ABCC9: variants seen among roughly 807,000 people sequenced by gnomAD.
The protein encoded by ABCC9 is ATP-binding cassette sub-family C member 9.
Under a neutral mutation model 188.3 loss-of-function variants are expected in ABCC9, and 95 were observed. The ratio of observed to expected loss-of-function variants is 0.50; its 90% CI spans 0.43 to 0.60. The LOEUF is 0.60. ABCC9 is among the 20% of genes least tolerant of loss of function. The pLI is 0.00. For missense variants in ABCC9, 1,102 were observed against 1,876.3 expected, an observed-to-expected ratio of 0.59 and a Z score of 7.62; for synonymous variants, 659 against 652.7, an observed-to-expected ratio of 1.01 and a Z score of -0.15.
chr12:21,891,587 G>A (rs1242128196), intron 14 of ABCC9, among the ~76,000 whole-genome samples: 3 of 152,140 alleles, frequency 2.0e-5, no homozygotes, highest in African/African-American at 4.8e-5. Context: ...CTTATTAAAA[G>A]AAAGCATAGA....
At chr12:21,900,497 C>A (rs375652363) in intron 12 of ABCC9, among the ~76,000 whole-genome samples, 1 of 152,006 alleles carries the variant, frequency 6.6e-6, no homozygotes, top group African/African-American at 2.4e-5. Flanking sequence ...AGGCTTCAGA[C>A]GATCAAACTT....
intron 35 of ABCC9, 123 bp downstream of exon 35, chr12:21,814,520 AC>A (rs1942473099): frequency 1.3e-6 from 1 of 797,354 alleles, no homozygotes; most frequent in Admixed American, 2.0e-5. Flanking sequence ...TCTGCCTTGA[AC>A]CATGTGTAGA....
intron 33 of ABCC9, among the ~76,000 whole-genome samples, chr12:21,816,559 GA>G (rs1942660766): frequency 1.3e-5 from 2 of 152,116 alleles, no homozygotes; most frequent in African/African-American, 4.8e-5. Flanking sequence ...GGAGAATAAA[GA>G]GGAAAAGAAA....
intron 16 of ABCC9, among the ~76,000 whole-genome samples, chr12:21,881,151 G>T (rs1346753623): frequency 6.6e-6 from 1 of 151,968 alleles, no homozygotes; most frequent in South Asian, 2.1e-4. Context: ...ATTGCCACAG[G>T]GTGGCAATTA....
At chr12:21,915,081 A>G (rs1948479312) in intron 7 of ABCC9, among the ~76,000 whole-genome samples, 2 of 151,346 alleles carry the variant, frequency 1.3e-5, no homozygotes. Context: ...TTGTATTTTT[A>G]GTAAAGATGG....
chr12:21,923,869 C>G, intron 5 of ABCC9: 1 of 696,778 alleles, frequency 1.4e-6, no homozygotes, highest in Middle Eastern at 2.3e-4. Flanking sequence ...GGAAATAGTA[C>G]AGATGTCTAT....
In ABCC9 at chr12:21,848,169, C is replaced by T. The variant is rs780969045; in HGVS notation, c.2847G>A (p.Gln949=). ...RAMYSREAKA[Q]MEDEDEEEEE... The stretch of plus-strand genomic sequence containing the variant: ...ATCTACCTTCGTCTTCGTCCTCCAT[C>T]TGGGCTTTGGCTTCTCTTGAATACA... The change falls in exon 25 of 40, where the codon CAG becomes CAA. Residue 949 remains glutamine, a synonymous_variant. Coordinates refer to ENST00000261200, the MANE Select transcript of ABCC9 (RefSeq NM_020297.4). 1 of 1,613,604 alleles carries T rather than the reference C, an allele frequency of 6.2e-7. No individual in the cohort carries two copies.
chr12:21,840,735 A>C (rs1944336662), intron 29 of ABCC9, among the ~76,000 whole-genome samples: 2 of 152,236 alleles, frequency 1.3e-5, no homozygotes, highest in Admixed American at 1.3e-4. Context: ...TTTGATCAGA[A>C]TTTGCTGCAA....
chr12:21,921,645 C>T (rs187449783), intron 5 of ABCC9, among the ~76,000 whole-genome samples: 54 of 152,140 alleles, frequency 3.5e-4, no homozygotes, highest in African/African-American at 1.3e-3. Context: ...GAAATCTTTG[C>T]CCAGTCCAAT....
At chr12:21,913,420 T>C (rs1236762306) in intron 7 of ABCC9, among the ~76,000 whole-genome samples, 2 of 152,164 alleles carry the variant, frequency 1.3e-5, no homozygotes, top group Non-Finnish European at 2.9e-5. Flanking sequence ...GTCATGCAAA[T>C]TGCCAAATAG....
In ABCC9 at chr12:21,850,498, T is replaced by C. The variant is rs549083290; in HGVS notation, c.2769+1599A>G. Among the ~76,000 whole-genome samples, 4 of 152,228 alleles carry C rather than the reference T, an allele frequency of 2.6e-5. 1 individual carries two copies. The South Asian group carries it at 8.3e-4, about 32-fold the overall frequency. ...CTTGTAACTGGATTTACCCTGTCCA[T>C]ACCCTAACTTGCTCCACACCTCCTT... is the stretch of plus-strand genomic sequence containing the variant. On this transcript the variant is annotated intron_variant, in intron 24 of 39. Transcript: ENST00000261200.
chr12:21,859,692 C>A (rs766989571), intron 21 of ABCC9, 26 bp from the exon 22 acceptor site: 2 of 1,592,318 alleles, frequency 1.3e-6, no homozygotes, highest in South Asian at 2.2e-5. Context: ...CCCCAAATAC[C>A]CATTTTTTAA....
intron 31 of ABCC9, among the ~76,000 whole-genome samples, chr12:21,824,916 A>ATTTTGTTGATCTT (rs60066319): frequency 1.3e-5 from 2 of 151,806 alleles, no homozygotes; most frequent in African/African-American, 2.4e-5. Context: ...CAGTCAGACT[A>ATTTTGTTGATCTT]TTTTGTTGAT....
At position 21,874,071 on chromosome 12, in the gene ABCC9, C is replaced by T. The variant is rs180785635; in HGVS notation, c.2093-1341G>A. ...AACAACAGAATGAAAAGGAGACCTA[C>T]GGGATGAGAGAAAATATTTGCAAAC... On this transcript the variant is annotated intron_variant, in intron 17 of 39. Transcript: ENST00000261200. 3.4e-3 allele frequency among the ~76,000 whole-genome samples: 511 copies of T among 151,832 alleles called. 4 individuals are homozygous for T. The South Asian group carries it at 0.04, about 12-fold the overall frequency.
At chr12:21,861,128 T>C (rs761829484) in intron 20 of ABCC9, 73 bp from the exon 21 acceptor site, 20 of 1,205,698 alleles carry the variant, frequency 1.7e-5, no homozygotes, top group Non-Finnish European at 2.5e-5. Context: ...CCAAATTCAA[T>C]ACTTTGGAAG....
intron 34 of ABCC9, 57 bp downstream of exon 34, chr12:21,815,706 A>G: frequency 1.2e-6 from 2 of 1,601,340 alleles, no homozygotes; most frequent in Non-Finnish European, 1.7e-6. Flanking sequence ...GTAGTAAAAA[A>G]GCAGACTCCC....
At chr12:21,805,935 A>G in intron 39 of ABCC9, 63 bp downstream of exon 39, 1 of 1,494,950 alleles carries the variant, frequency 6.7e-7, no homozygotes, top group Non-Finnish European at 9.3e-7. Context: ...CTAAAACCTA[A>G]AGATGATAAC....
chr12:21,829,382 T>C (rs376032324), intron 30 of ABCC9, among the ~76,000 whole-genome samples: 1 of 151,934 alleles, frequency 6.6e-6, no homozygotes, highest in Admixed American at 6.6e-5. Flanking sequence ...TTTGTATTTT[T>C]AGTAGAGACG....
In ABCC9 at chr12:21,887,892, A is replaced by G; in HGVS notation, c.1845T>C (p.Gly615=). 1 of 1,613,546 alleles carries G rather than the reference A, an allele frequency of 6.2e-7. No homozygotes were observed. Among genetic ancestry groups the G allele is most frequent in the Non-Finnish European group, 8.5e-7 (1 of 1,179,574 alleles). The change falls in exon 15 of 40, where the codon GGT becomes GGC. Residue 615 remains glycine, a synonymous_variant. Transcript: ENST00000261200. ...TTTCACCAGTTCGCCAACTGTCGTC[A>G]CCAATCTCATCACTCAAGAGAAACT... ...LNEFLLSDEI[G]DDSWRTGESS...
Sources: gnomAD v4.1 joint callset for allele counts (sites outside exome capture counted in the v4.1 genomes callset) on GRCh38, gnomAD v4.1.1 for gene constraint, MANE v1.5 for transcripts, NCBI Gene and HGNC (gene_info 2026-07-23, HGNC 2026-07-21) for gene names.